TAGLN3: variants seen among roughly 807,000 people sequenced by gnomAD.
TAGLN3 encodes the protein transgelin 3.
In TAGLN3, 12 loss-of-function variants were observed where a neutral mutation model predicts 25.4. The observed-to-expected ratio is 0.47, with a 90% CI of 0.30 to 0.77. The LOEUF (loss-of-function observed/expected upper bound fraction) is 0.77, where lower values mean the gene tolerates loss of function less well. TAGLN3 is among the 30% of genes least tolerant of loss of function. TAGLN3 has a pLI of 0.06. For synonymous variants in TAGLN3, 96 were observed against 94.8 expected, an observed-to-expected ratio of 1.01 and a Z score of -0.08; for missense variants, 218 against 255.8, an observed-to-expected ratio of 0.85 and a Z score of 1.01.
intron 2 of TAGLN3, 113 bp downstream of exon 2, chr3:111,999,715 C>T: frequency 3.0e-6 from 4 of 1,354,166 alleles, no homozygotes; most frequent in Non-Finnish European, 4.0e-6. Context: ...CTCTATGTCT[C>T]ACCGGGAGGG....
At chr3:112,002,227 T>A (rs899387467) in intron 3 of TAGLN3, among the ~76,000 whole-genome samples, 1 of 152,260 alleles carries the variant, frequency 6.6e-6, no homozygotes, top group Non-Finnish European at 1.5e-5. Context: ...ACATAGCTAC[T>A]GCTTATTGAT....
chr3:112,000,698 CA>C (rs2072846422), intron 2 of TAGLN3, 73 bp from the exon 3 acceptor site: 2 of 1,500,972 alleles, frequency 1.3e-6, no homozygotes, highest in Admixed American at 3.6e-5. Flanking sequence ...CCCACGTGAG[CA>C]GGATTCACTT....
rs372001063 is a variant in TAGLN3, at chr3:112,000,579, G to C, written c.181-193G>C. 18 of 551,184 alleles carry C rather than the reference G, an allele frequency of 3.3e-5. No individual in the cohort carries two copies. The East Asian group carries it at 4.9e-4, about 15-fold the overall frequency. The allele number at this position is 551,184 out of a possible 1,614,324, so 34.1% of individuals were successfully genotyped here. A position where few individuals can be genotyped will look rare whatever the true frequency, so the allele number is the denominator to read the frequency against. ...GTAGTAAGGAGCAGCATTAGGAATGGGGTCCTCTGGGTCTTTGGGGCTTAG... is the reference window on the plus strand; with the variant it reads ...GTAGTAAGGAGCAGCATTAGGAATGCGGTCCTCTGGGTCTTTGGGGCTTAG... On this transcript the variant is annotated intron_variant, in intron 2 of 4. Coordinates refer to ENST00000478951, the MANE Select transcript of TAGLN3 (RefSeq NM_001008272.2).
At position 112,013,498 on chromosome 3, in the gene TAGLN3, G is replaced by A. The variant is rs1325377002; in HGVS notation, c.547G>A (p.Gly183Arg). The A allele has an allele frequency of 1.2e-6, 2 of 1,614,188 alleles. No individual in the cohort carries two copies. The highest frequency in any genetic ancestry group is 1.7e-6 in the Non-Finnish European group (2 of 1,180,028). The change falls in exon 5 of 5, where the codon GGA becomes AGA. Residue 183 changes from glycine (G) to arginine (R), a missense_variant. By Grantham distance (125) the Gly-to-Arg change is moderately radical. Coordinates refer to ENST00000478951, the MANE Select transcript of TAGLN3 (RefSeq NM_001008272.2). ...VIGLQMGSNK[G>R]ASQAGMTGYG... ...AGGCCTGCAGATGGGCAGCAACAAG[G>A]GAGCCTCCCAGGCGGGCATGACAGG...
intron 3 of TAGLN3, among the ~76,000 whole-genome samples, chr3:112,007,072 A>C (rs960549156): frequency 7.2e-5 from 11 of 152,200 alleles, no homozygotes; most frequent in African/African-American, 2.4e-4. Flanking sequence ...CCATACCATC[A>C]GCTCCTTTTT....
At chr3:111,999,933 G>A (rs553659873) in intron 2 of TAGLN3, among the ~76,000 whole-genome samples, 2 of 152,234 alleles carry the variant, frequency 1.3e-5, no homozygotes, top group South Asian at 2.1e-4. Context: ...GCTCTTCTGG[G>A]GCCATTTCTT....
chr3:112,000,594 T>TA (rs1199701673), intron 2 of TAGLN3, 178 bp from the exon 3 acceptor site: 1 of 595,754 alleles, frequency 1.7e-6, no homozygotes, highest in Non-Finnish European at 2.9e-6. Context: ...CTCTGGGTCT[T>TA]TGGGGCTTAG....
chr3:112,005,714 TTTTGAG>T (rs2072909950), intron 3 of TAGLN3, among the ~76,000 whole-genome samples: 1 of 134,688 alleles, frequency 7.4e-6, no homozygotes, highest in African/African-American at 2.7e-5. Flanking sequence ...TTTTTTTTTT[TTTTGAG>T]ATGGAGTCTC....
chr3:111,999,096 TG>T lies in TAGLN3; in HGVS notation c.-16del. ...TCCGCCACCCATCCCCCTTGCTGCC[TG>T]GGGGTTCAGACTTGATTGTGAGTCC... On this transcript the variant is annotated 5_prime_UTR_variant, in exon 1 of 5. The change abolishes the stop of an existing upstream ORF in the 5' untranslated region. Coordinates refer to ENST00000478951, the MANE Select transcript of TAGLN3 (RefSeq NM_001008272.2). 1.0e-5 allele frequency: 2 copies of T among 192,522 alleles called. No homozygotes were observed. Among genetic ancestry groups the T allele is most frequent in the Non-Finnish European group, 2.1e-5 (2 of 94,268 alleles). 11.9% of individuals were successfully genotyped at this position (192,522 alleles called of 1,614,324 possible).
At position 112,000,848 on chromosome 3, in the gene TAGLN3, C is replaced by G; in HGVS notation, c.257C>G (p.Ala86Gly). ...CCCAAGATCTCAGAGTCAAAGATGG[C>G]TTTTAAGCAGATGGAGCAAATCTCC... is the stretch of plus-strand genomic sequence containing the variant. The part of the protein sequence containing the change: ...PIPKISESKM[A>G]FKQMEQISQF... Residue 86 changes from alanine (A) to glycine (G), a missense_variant, in exon 3 of 5, where the codon GCT becomes GGT. By Grantham distance (60) the Ala-to-Gly change is moderately conservative. Transcript: ENST00000478951. The G allele has an allele frequency of 6.2e-7, 1 of 1,614,174 alleles. No individual in the cohort carries two copies. The highest frequency in any genetic ancestry group is 8.5e-7 in the Non-Finnish European group (1 of 1,180,016).
rs758892029 is a variant in TAGLN3, at chr3:112,000,946, G to C, written c.355G>C (p.Gly119Arg). 1 of 1,613,524 alleles carries C rather than the reference G, an allele frequency of 6.2e-7. No homozygotes were observed. The highest frequency in any genetic ancestry group is 1.1e-5 in the South Asian group (1 of 91,024). The change falls in exon 3 of 5, where the codon GGG (glycine) becomes CGG (arginine). Residue 119 changes from glycine (G) to arginine (R), a missense_variant and splice_region_variant. By Grantham distance (125) the Gly-to-Arg change is moderately radical. Coordinates refer to ENST00000478951, the MANE Select transcript of TAGLN3 (RefSeq NM_001008272.2). ...CTTTCAGACGGTGGATCTATGGGAA[G>C]GTAAACAGCCCCCTGGCCTTTGGGA... ...DIFQTVDLWE[G>R]KDMAAVQRTL...
At chr3:111,999,367 G>GGCTGCT in intron 1 of TAGLN3, 54 bp from the exon 2 acceptor site, 3 of 1,584,994 alleles carry the variant, frequency 1.9e-6, no homozygotes, top group South Asian at 1.2e-5. Flanking sequence ...GGGAGCCGGA[G>GGCTGCT]GCTGCTGCTG....
At chr3:112,011,971 C>G in intron 4 of TAGLN3, 106 bp downstream of exon 4, 4 of 978,580 alleles carry the variant, frequency 4.1e-6, no homozygotes, top group Non-Finnish European at 6.0e-6. Context: ...GCCCCAGGAC[C>G]AAGCACTGCT....
Position 112,000,808 on chromosome 3 carries a change from G to T in TAGLN3, c.217G>T (p.Gly73Ter). The T allele has an allele frequency of 6.2e-7, 1 of 1,614,102 alleles. No homozygotes were observed. Among genetic ancestry groups the T allele is most frequent in the Non-Finnish European group, 8.5e-7 (1 of 1,180,016 alleles). Residue 73 changes from glycine to a stop codon, truncating the protein, a stop_gained, in exon 3 of 5, where the codon GGA becomes TGA. Coordinates refer to ENST00000478951, the MANE Select transcript of TAGLN3 (RefSeq NM_001008272.2). LOFTEE classifies it high-confidence loss of function. ...CKLINSLYPP[G>*]QEPIPKISES... is the part of the protein sequence containing the mutation. ...GCTGATAAATAGTTTATACCCACCA[G>T]GACAAGAGCCCATACCCAAGATCTC...
intron 3 of TAGLN3, among the ~76,000 whole-genome samples, chr3:112,011,357 C>T (rs1029969126): frequency 3.3e-5 from 5 of 152,168 alleles, no homozygotes; most frequent in East Asian, 1.9e-4. Flanking sequence ...TGTTTTCAAG[C>T]GGCACAAAAT....
intron 3 of TAGLN3, among the ~76,000 whole-genome samples, chr3:112,002,804 T>G (rs1370292253): frequency 1.3e-5 from 2 of 152,214 alleles, no homozygotes; most frequent in African/African-American, 4.8e-5. Context: ...TAAACTTTAC[T>G]CGTCAGAGGT....
chr3:112,000,738 A>C (rs760185026), intron 2 of TAGLN3, 34 bp from the exon 3 acceptor site: 2 of 1,599,966 alleles, frequency 1.3e-6, no homozygotes, highest in East Asian at 2.2e-5. Flanking sequence ...ATACAAAGGG[A>C]AACATTGATT....
At chr3:112,002,859 T>C (rs2107720568) in intron 3 of TAGLN3, among the ~76,000 whole-genome samples, 1 of 151,130 alleles carries the variant, frequency 6.6e-6, no homozygotes, top group South Asian at 2.1e-4. Context: ...TAGTCCCTGA[T>C]GTACAGAGTC....
At chr3:112,001,373 C>T (rs2072857808) in intron 3 of TAGLN3, among the ~76,000 whole-genome samples, 1 of 152,192 alleles carries the variant, frequency 6.6e-6, no homozygotes, top group South Asian at 2.1e-4. Context: ...GATAGCACTC[C>T]AACCTTTTGT....
Sources: allele counts gnomAD v4.1 joint callset (sites outside exome capture counted in the v4.1 genomes callset), GRCh38; gene constraint gnomAD v4.1.1; transcripts MANE v1.5; gene names NCBI Gene and HGNC (gene_info 2026-07-23, HGNC 2026-07-21).